GDPD1: variants seen among roughly 807,000 people sequenced by gnomAD.
GDPD1 encodes lysophospholipase D GDPD1.
A neutral mutation model predicts 45.1 loss-of-function variants in GDPD1; 28 were observed. The observed-to-expected ratio is 0.62, with a 90% CI of 0.46 to 0.85. The LOEUF is 0.85. GDPD1 is among the 40% of genes least tolerant of loss of function. The pLI, the probability that GDPD1 is intolerant of heterozygous loss-of-function variation, is 0.00. For synonymous variants in GDPD1, 139 were observed against 131.4 expected (o/e 1.06, Z -0.40); for missense variants, 256 against 364.8 (o/e 0.70, Z 2.43).
At chr17:59,267,015 C>G in intron 6 of GDPD1, 26 bp from the exon 7 acceptor site, 1 of 1,569,508 alleles carries the variant, frequency 6.4e-7, no homozygotes, top group Non-Finnish European at 8.7e-7. Flanking sequence ...GTAAAAATAA[C>G]ATGTAATATT....
At chr17:59,261,979 G>A (rs2047360000) in intron 6 of GDPD1, among the ~76,000 whole-genome samples, 1 of 137,232 alleles carries the variant, frequency 7.3e-6, no homozygotes, top group African/African-American at 2.9e-5. Context: ...GTGCAGTGGC[G>A]GGATCTCGGC....
chr17:59,273,956 A>G lies in GDPD1; in HGVS notation c.*183A>G, dbSNP rs2047461909. 4 of 755,904 alleles carry G rather than the reference A, an allele frequency of 5.3e-6. No individual in the cohort carries two copies. Among genetic ancestry groups the G allele is most frequent in the Admixed American group, 1.1e-4 (2 of 17,618 alleles). 46.8% of individuals were successfully genotyped at this position (755,904 alleles called of 1,614,324 possible). A position where few individuals can be genotyped will look rare whatever the true frequency, so the allele number is the denominator to read the frequency against. On this transcript the variant is annotated 3_prime_UTR_variant, in exon 10 of 10. Coordinates refer to ENST00000284116, the MANE Select transcript of GDPD1 (RefSeq NM_182569.4). ...TATATGTATATTTATTTTAAATAAT[A>G]TTGTATATTTTATGTTTGTAAATTG...
intron 7 of GDPD1, among the ~76,000 whole-genome samples, chr17:59,269,829 A>C (rs2047431370): frequency 6.6e-6 from 1 of 152,162 alleles, no homozygotes; most frequent in African/African-American, 2.4e-5. Context: ...CCAATAAATA[A>C]ATAAATAAAA....
chr17:59,245,673 A>G (rs563659858), intron 3 of GDPD1, 124 bp downstream of exon 3: 16 of 707,298 alleles, frequency 2.3e-5, no homozygotes, highest in Non-Finnish European at 2.9e-5. Flanking sequence ...AATACTAAAC[A>G]TCAAAGGAAA....
intron 1 of GDPD1, among the ~76,000 whole-genome samples, chr17:59,221,444 G>GCAAT (rs1478784271): frequency 5.4e-5 from 5 of 92,672 alleles, no homozygotes; most frequent in African/African-American, 2.0e-4. Flanking sequence ...TTTGAACACT[G>GCAAT]CAATAAATAA....
intron 1 of GDPD1, among the ~76,000 whole-genome samples, chr17:59,221,333 A>G (rs1334429771): frequency 6.6e-6 from 1 of 151,920 alleles, no homozygotes; most frequent in East Asian, 1.9e-4. Flanking sequence ...CGAGCCAGGG[A>G]CATTTCCCAA....
At chr17:59,273,079 G>GC in intron 9 of GDPD1, 1 of 471,294 alleles carries the variant, frequency 2.1e-6, no homozygotes, top group South Asian at 4.4e-5. Flanking sequence ...CAGTGTTTGT[G>GC]TGTGTGTATA....
intron 2 of GDPD1, among the ~76,000 whole-genome samples, chr17:59,238,810 C>A (rs940058885): frequency 6.6e-6 from 1 of 152,150 alleles, no homozygotes; most frequent in East Asian, 1.9e-4. Flanking sequence ...TCACTAGTTG[C>A]TTACTGAATG....
At chr17:59,237,998 G>A (rs992913469) in intron 2 of GDPD1, among the ~76,000 whole-genome samples, 2 of 150,024 alleles carry the variant, frequency 1.3e-5, no homozygotes, top group African/African-American at 4.9e-5. Context: ...GCCGGGCATG[G>A]TGGCTCATGC....
At chr17:59,228,717 T>C (rs892806018) in intron 1 of GDPD1, among the ~76,000 whole-genome samples, 9 of 141,038 alleles carry the variant, frequency 6.4e-5, no homozygotes, top group Non-Finnish European at 1.4e-4. Flanking sequence ...ACCCTGTCTC[T>C]AAAAAAAAAA....
rs1361650818 is a variant in GDPD1 at position 59,220,528 on chromosome 17, C to G, written c.-82C>G. ...CTGGGGGCGAGCCGACCTCGAGCAG[C>G]CGCCGCCGCCGCCGTCGTTGCTACT... On this transcript the variant is annotated 5_prime_UTR_variant, in exon 1 of 10. Transcript: ENST00000284116. 9 of 1,405,520 alleles carry G rather than the reference C, an allele frequency of 6.4e-6. No individual in the cohort carries two copies. In the African/African-American group the frequency reaches 8.6e-5, roughly 13 times the overall value. 87.1% of individuals were successfully genotyped at this position (1,405,520 alleles called of 1,614,324 possible).
rs1419283460 is a variant in GDPD1 at position 59,275,008 on chromosome 17, A to G, written c.*1235A>G. ...AGGTGCCTGCTACCATGCCCAGCTAATTTTTGTATTTTTAGTAGAGACAGG... is the reference window on the plus strand; with the variant it reads ...AGGTGCCTGCTACCATGCCCAGCTAGTTTTTGTATTTTTAGTAGAGACAGG... On this transcript the variant is annotated 3_prime_UTR_variant, in exon 10 of 10. Coordinates refer to ENST00000284116, the MANE Select transcript of GDPD1 (RefSeq NM_182569.4). 5.1e-6 allele frequency: 3 copies of G among 590,590 alleles called. No individual in the cohort carries two copies. Among genetic ancestry groups the G allele is most frequent in the Non-Finnish European group, 6.1e-6 (2 of 327,534 alleles). 36.6% of individuals were successfully genotyped at this position (590,590 alleles called of 1,614,324 possible).
chr17:59,240,479 A>T (rs969599040), intron 2 of GDPD1, among the ~76,000 whole-genome samples: 7 of 151,988 alleles, frequency 4.6e-5, no homozygotes, highest in Non-Finnish European at 7.4e-5. Context: ...GGTATTTTTT[A>T]AATTTTATTA....
intron 7 of GDPD1, among the ~76,000 whole-genome samples, chr17:59,270,197 CTTTT>C (rs763544418): frequency 7.0e-6 from 1 of 143,196 alleles, no homozygotes; most frequent in Non-Finnish European, 1.5e-5. Flanking sequence ...TTATTTTGTA[CTTTT>C]TTTTTTTTTT....
chr17:59,234,444 G>C (rs998612146), intron 1 of GDPD1, 48 bp from the exon 2 acceptor site: 15 of 1,201,532 alleles, frequency 1.2e-5, no homozygotes, highest in Non-Finnish European at 1.7e-5. Context: ...TTAACTTCAG[G>C]AAAATTAAAA....
At position 59,266,215 on chromosome 17, in the gene GDPD1, CA is replaced by C. The variant is rs1458347317; in HGVS notation, c.577-825del. Reference sequence around the variant, plus strand: ...CAGCCTGGCCAACATGGTGAAACCACATCTCTACTAAAACTACAAAAAATTA... The same window carrying C: ...CAGCCTGGCCAACATGGTGAAACCACTCTCTACTAAAACTACAAAAAATTA... On this transcript the variant is annotated intron_variant, in intron 6 of 9. Coordinates refer to ENST00000284116, the MANE Select transcript of GDPD1 (RefSeq NM_182569.4). Among the ~76,000 whole-genome samples, 41 of 151,744 alleles carry C rather than the reference CA, an allele frequency of 2.7e-4. 1 individual carries two copies. Among genetic ancestry groups the C allele is most frequent in the African/African-American group, 9.7e-4 (40 of 41,374 alleles).
At chr17:59,248,712 C>CT in intron 3 of GDPD1, 28 bp from the exon 4 acceptor site, 52 of 1,531,378 alleles carry the variant, frequency 3.4e-5, no homozygotes, top group Non-Finnish European at 4.0e-5. Flanking sequence ...TGAGAGTTAA[C>CT]TTTTTTTTCA....
At chr17:59,248,982 G>C (rs1029564770) in intron 4 of GDPD1, 197 bp downstream of exon 4, 7 of 426,608 alleles carry the variant, frequency 1.6e-5, no homozygotes, top group Non-Finnish European at 2.9e-5. Context: ...TTAAATTCAT[G>C]TACAGTTAAC....
At chr17:59,234,559 G>A in intron 2 of GDPD1, 25 bp downstream of exon 2, 1 of 1,537,658 alleles carries the variant, frequency 6.5e-7, no homozygotes, top group Non-Finnish European at 9.0e-7. Context: ...AAGGTAAAAG[G>A]TACTCTTTTC....
Sources: allele counts gnomAD v4.1 joint callset (sites outside exome capture counted in the v4.1 genomes callset), GRCh38; gene constraint gnomAD v4.1.1; transcripts MANE v1.5; gene names NCBI Gene and HGNC (gene_info 2026-07-23, HGNC 2026-07-21).